Variants in CARS2 observed in about 807,000 individuals in gnomAD.
CARS2 encodes cysteinyl-tRNA synthetase 2, mitochondrial.
In CARS2, 52 loss-of-function variants were observed where a neutral mutation model predicts 68.8. The ratio of observed to expected loss-of-function variants is 0.76; its 90% CI spans 0.61 to 0.95. The LOEUF is 0.95. Among genes scored for constraint, CARS2 ranks in the 40% least tolerant of loss-of-function variants. CARS2 has a pLI of 0.00. For synonymous variants in CARS2, 314 were observed against 303.6 expected (o/e 1.03, Z -0.36); for missense variants, 780 against 754.2 (o/e 1.03, Z -0.40).
At chr13:110,650,869 C>G (rs2062190123) in intron 10 of CARS2, 165 bp downstream of exon 10, 5 of 584,978 alleles carry the variant, frequency 8.5e-6, no homozygotes, top group Non-Finnish European at 1.5e-5. Flanking sequence ...GCACTGGGAT[C>G]CCTCGTCCTC....
chr13:110,699,834 C>T (rs888752051), intron 3 of CARS2, among the ~76,000 whole-genome samples: 24 of 152,254 alleles, frequency 1.6e-4, no homozygotes, highest in African/African-American at 5.8e-4. Flanking sequence ...CACTGGCCCC[C>T]AGCCAACAGG....
chr13:110,686,978 C>G (rs9521899), intron 5 of CARS2, among the ~76,000 whole-genome samples: 1 of 152,134 alleles, frequency 6.6e-6, no homozygotes. Context: ...GCAACTCACT[C>G]GTAATGGCCT....
intron 8 of CARS2, 24 bp from the exon 9 acceptor site, chr13:110,663,542 A>T: frequency 6.2e-7 from 1 of 1,612,186 alleles, no homozygotes; most frequent in South Asian, 1.1e-5. Context: ...AAAAGCATTC[A>T]GTCTGAGCTG....
chr13:110,702,529 T>G (rs2063817366), intron 2 of CARS2, among the ~76,000 whole-genome samples: 1 of 151,936 alleles, frequency 6.6e-6, no homozygotes, highest in Non-Finnish European at 1.5e-5. Context: ...TGGGAAAGAG[T>G]CTAAAAGATG....
chr13:110,663,321 T>C, intron 9 of CARS2, 130 bp downstream of exon 9: 1 of 872,358 alleles, frequency 1.1e-6, no homozygotes, highest in Non-Finnish European at 1.7e-6. Flanking sequence ...GTGAGGCAGG[T>C]CTCGTCATAA....
chr13:110,689,155 T>C (rs539478392), intron 3 of CARS2, among the ~76,000 whole-genome samples: 3 of 152,326 alleles, frequency 2.0e-5, no homozygotes, highest in Admixed American at 2.0e-4. Context: ...GCTCATGTTA[T>C]TTCATAATTT....
At chr13:110,667,008 A>G (rs2062665868) in intron 8 of CARS2, 2 of 920,844 alleles carry the variant, frequency 2.2e-6, no homozygotes, top group Non-Finnish European at 2.6e-6. Context: ...TCTAGTGACA[A>G]CATTATAGCT....
At position 110,665,660 on chromosome 13, in the gene CARS2, A is replaced by G. The variant is rs755994224; in HGVS notation, c.919+1680T>C. 58 of 985,284 alleles carry G rather than the reference A, an allele frequency of 5.9e-5. No homozygotes were observed. Among genetic ancestry groups the G allele is most frequent in the Non-Finnish European group, 6.4e-5 (53 of 829,942 alleles). The allele number at this position is 985,284 out of a possible 1,614,324, so 61.0% of individuals were successfully genotyped here. On this transcript the variant is annotated intron_variant, in intron 8 of 14. Transcript: ENST00000257347. The surrounding 1 kb of genome is among the most constrained non-coding windows in gnomAD (Gnocchi z 4.3). Reference sequence around the variant, plus strand: ...CCTACTGAACAGGATAAACCTGCAGACAGAAACGTGCCTGCGGAGGGAGCA... The same window carrying G: ...CCTACTGAACAGGATAAACCTGCAGGCAGAAACGTGCCTGCGGAGGGAGCA...
intron 7 of CARS2, among the ~76,000 whole-genome samples, chr13:110,671,583 A>ACAAC (rs1415650797): frequency 6.6e-6 from 1 of 152,242 alleles, no homozygotes; most frequent in Non-Finnish European, 1.5e-5. Context: ...ATGGAAAGGA[A>ACAAC]CAACCAGTAC....
chr13:110,649,931 C>CTTTTTTTTT (rs59276783), intron 10 of CARS2, among the ~76,000 whole-genome samples: 2 of 73,184 alleles, frequency 2.7e-5, no homozygotes, highest in South Asian at 5.8e-4. Context: ...TGGATAACGA[C>CTTTTTTTTT]TTTTTTTTTT....
At position 110,644,430 on chromosome 13, in the gene CARS2, A is replaced by C. The variant is rs1381960162; in HGVS notation, c.1371T>G (p.Phe457Leu). ...TTCCAACAGTTTCAAAAAACTGTTC[A>C]AAGTAAGAGATGATGGCACCAAACA... Reference protein sequence around the residue: ...PAVFGAIISYFEQFFETVGIS... With the variant: ...PAVFGAIISYLEQFFETVGIS... Residue 457 changes from phenylalanine to leucine, a missense_variant, in exon 13 of 15, where the codon TTT becomes TTG. Transcript: ENST00000257347. 1 of 1,614,128 alleles carries C rather than the reference A, an allele frequency of 6.2e-7. No homozygotes were observed. The highest frequency in any genetic ancestry group is 2.2e-5 in the East Asian group (1 of 44,884).
chr13:110,710,512 A>C (rs1328007832), upstream of CARS2, among the ~76,000 whole-genome samples: 1 of 152,242 alleles, frequency 6.6e-6, no homozygotes, highest in Non-Finnish European at 1.5e-5. Flanking sequence ...AATCCATTTG[A>C]AATTTCTGTT....
At chr13:110,696,208 G>A (rs892531777) in intron 3 of CARS2, among the ~76,000 whole-genome samples, 1 of 152,140 alleles carries the variant, frequency 6.6e-6, no homozygotes, top group African/African-American at 2.4e-5. Context: ...CTTTGCTATT[G>A]TGGACAGTGC....
chr13:110,683,350 C>T (rs2063209635), intron 5 of CARS2, among the ~76,000 whole-genome samples: 1 of 152,214 alleles, frequency 6.6e-6, no homozygotes, highest in Admixed American at 6.5e-5. Context: ...CCTTGAACTC[C>T]TTGGCTCAGG....
rs1485698219 is a variant in CARS2, at chr13:110,642,427, A to G, written c.1511T>C (p.Met504Thr). 4 of 1,604,874 alleles carry G rather than the reference A, an allele frequency of 2.5e-6. No homozygotes were observed. Among genetic ancestry groups the G allele is most frequent in the Non-Finnish European group, 1.7e-6 (2 of 1,176,252 alleles). Reference protein sequence around the residue: ...RQKVRQFALAMPEATGDARRQ... With the variant: ...RQKVRQFALATPEATGDARRQ... ...CCGGGCGTCCCCCGTGGCCTCGGGC[A>G]TGGCCAGCGCAAACTGCCGGACCTT... Residue 504 changes from methionine to threonine, a missense_variant, in exon 14 of 15, where the codon ATG becomes ACG. Transcript: ENST00000257347.
At chr13:110,647,613 A>C (rs1433214919) in intron 10 of CARS2, among the ~76,000 whole-genome samples, 1 of 152,202 alleles carries the variant, frequency 6.6e-6, no homozygotes, top group Non-Finnish European at 1.5e-5. Flanking sequence ...GGAAAGAGGG[A>C]GCCCCGCCCT....
In CARS2 at chr13:110,670,809, A is replaced by C. The variant is rs1345017849; in HGVS notation, c.786-3336T>G. Among the ~76,000 whole-genome samples, 1 of 152,190 alleles carries C rather than the reference A, an allele frequency of 6.6e-6. No individual in the cohort carries two copies. Among genetic ancestry groups the C allele is most frequent in the Non-Finnish European group, 1.5e-5 (1 of 68,030 alleles). ...TGAACCCATCATAAAGAAGCTAAAA[A>C]CCTTCAAAAAAGATTAGACGAATGG... On this transcript the variant is annotated intron_variant, in intron 7 of 14. Coordinates refer to ENST00000257347, the MANE Select transcript of CARS2 (RefSeq NM_024537.4). The surrounding 1 kb of genome is among the most constrained non-coding windows in gnomAD (Gnocchi z 4.1).
At chr13:110,691,179 C>G (rs1463722853) in intron 3 of CARS2, among the ~76,000 whole-genome samples, 1 of 152,102 alleles carries the variant, frequency 6.6e-6, no homozygotes, top group Non-Finnish European at 1.5e-5. Context: ...CCATGCATGG[C>G]TAATTTTTGT....
intron 13 of CARS2, chr13:110,644,141 G>C: frequency 7.1e-7 from 1 of 1,411,070 alleles, no homozygotes; most frequent in Non-Finnish European, 9.4e-7. Flanking sequence ...TTCTGTTGCT[G>C]AGATGGACTC....
Sources: allele counts gnomAD v4.1 joint callset (sites outside exome capture counted in the v4.1 genomes callset), GRCh38; gene constraint gnomAD v4.1.1; non-coding constraint Gnocchi (gnomAD v3.1); transcripts MANE v1.5; gene names NCBI Gene and HGNC (gene_info 2026-07-23, HGNC 2026-07-21).